Variants in TMEM132D observed in about 807,000 individuals in gnomAD.
The protein encoded by TMEM132D is mature OL transmembrane protein.
Under a neutral mutation model 62.3 loss-of-function variants are expected in TMEM132D, and 21 were observed. That is an observed-to-expected ratio of 0.34 (90% CI 0.24 to 0.49). The LOEUF (loss-of-function observed/expected upper bound fraction) is 0.49. TMEM132D is among the 20% of genes least tolerant of loss of function. The pLI, the probability that TMEM132D is intolerant of heterozygous loss-of-function variation, is 0.99. For missense variants in TMEM132D, 1,346 were observed against 1,402.8 expected (o/e 0.96, Z 0.65); for synonymous variants, 621 against 575.6 (o/e 1.08, Z -1.13).
At chr12:129,127,429 C>T (rs1023297127) in intron 5 of TMEM132D, among the ~76,000 whole-genome samples, 9 of 152,190 alleles carry the variant, frequency 5.9e-5, no homozygotes, top group Admixed American at 3.9e-4. Context: ...GCTTGGCAAC[C>T]GCCCCTCGCT....
chr12:129,281,848 C>A (rs1349157783), intron 4 of TMEM132D, among the ~76,000 whole-genome samples: 2 of 152,096 alleles, frequency 1.3e-5, no homozygotes, highest in African/African-American at 4.8e-5. Context: ...CCTCCTCAAA[C>A]TACCGCCAAA....
At chr12:129,312,313 A>G (rs1881995637) in intron 4 of TMEM132D, among the ~76,000 whole-genome samples, 2 of 152,204 alleles carry the variant, frequency 1.3e-5, no homozygotes, top group African/African-American at 4.8e-5. Context: ...TGCTGAGAGA[A>G]TGAAGCCTTA....
chr12:129,428,327 T>C (rs1193602825), intron 3 of TMEM132D, among the ~76,000 whole-genome samples: 1 of 152,240 alleles, frequency 6.6e-6, no homozygotes, highest in Non-Finnish European at 1.5e-5. Context: ...AAATCTGTTG[T>C]GTAAAACACC....
At chr12:129,618,480 C>T (rs1257401392) in intron 2 of TMEM132D, among the ~76,000 whole-genome samples, 3 of 152,154 alleles carry the variant, frequency 2.0e-5, no homozygotes, top group East Asian at 1.9e-4. Flanking sequence ...CATGGTTTGG[C>T]AAACCTTTTC....
intron 1 of TMEM132D, among the ~76,000 whole-genome samples, chr12:129,821,653 C>T (rs1445941077): frequency 3.3e-5 from 5 of 151,774 alleles, no homozygotes; most frequent in African/African-American, 9.7e-5. Context: ...CCAATCAAAA[C>T]GTGCAGCGGA....
At chr12:129,513,626 A>G (rs1213201065) in intron 3 of TMEM132D, among the ~76,000 whole-genome samples, 2 of 150,020 alleles carry the variant, frequency 1.3e-5, no homozygotes, top group Non-Finnish European at 3.0e-5. Context: ...CTGGGACTAC[A>G]GGCACCCACC....
intron 2 of TMEM132D, among the ~76,000 whole-genome samples, chr12:129,695,455 C>T (rs1881182683): frequency 6.6e-6 from 1 of 152,220 alleles, no homozygotes; most frequent in Non-Finnish European, 1.5e-5. Flanking sequence ...GCCTCTCACT[C>T]TTCTATTTCA....
intron 3 of TMEM132D, among the ~76,000 whole-genome samples, chr12:129,390,575 G>A (rs1037790054): frequency 3.9e-5 from 6 of 152,186 alleles, no homozygotes; most frequent in African/African-American, 1.4e-4. Context: ...TTGTGTTCCT[G>A]AGAAGTTCAG....
intron 2 of TMEM132D, among the ~76,000 whole-genome samples, chr12:129,623,600 C>A (rs1879128030): frequency 6.6e-6 from 1 of 151,384 alleles, no homozygotes; most frequent in Non-Finnish European, 1.5e-5. Flanking sequence ...GACATTATTT[C>A]ATTACTTTTT....
At chr12:129,089,336 C>T (rs1206485730) in intron 5 of TMEM132D, among the ~76,000 whole-genome samples, 3 of 55,730 alleles carry the variant, frequency 5.4e-5, no homozygotes, top group Admixed American at 3.8e-4. Context: ...CCTCCCTGAC[C>T]GGGATGTCCT....
chr12:129,578,079 T>C (rs1877727714), intron 2 of TMEM132D, among the ~76,000 whole-genome samples: 1 of 152,182 alleles, frequency 6.6e-6, no homozygotes, highest in African/African-American at 2.4e-5. Flanking sequence ...ACATCTGTTT[T>C]CTCCTGTCTT....
chr12:129,209,821 G>T (rs1442587059), intron 4 of TMEM132D, 158 bp from the exon 5 acceptor site: 6 of 954,820 alleles, frequency 6.3e-6, no homozygotes, highest in Non-Finnish European at 9.2e-6. Flanking sequence ...GCTGACCGTG[G>T]CAGCCATGAG....
chr12:129,463,264 T>A (rs2137040696), intron 3 of TMEM132D, among the ~76,000 whole-genome samples: 1 of 152,204 alleles, frequency 6.6e-6, no homozygotes, highest in African/African-American at 2.4e-5. Context: ...TTATTTTATT[T>A]ATTTTTTTTG....
At chr12:129,410,706 T>C (rs920585202) in intron 3 of TMEM132D, among the ~76,000 whole-genome samples, 1 of 152,078 alleles carries the variant, frequency 6.6e-6, no homozygotes, top group Non-Finnish European at 1.5e-5. Context: ...AGAAAAAAAA[T>C]TTGATGTTAA....
intron 5 of TMEM132D, among the ~76,000 whole-genome samples, chr12:129,098,128 G>A (rs921615659): frequency 1.3e-5 from 2 of 152,198 alleles, no homozygotes; most frequent in Admixed American, 6.5e-5. Flanking sequence ...GAGGACTGAC[G>A]TGACTCAAGT....
At chr12:129,347,735 C>G (rs567858778) in intron 3 of TMEM132D, among the ~76,000 whole-genome samples, 1 of 152,256 alleles carries the variant, frequency 6.6e-6, no homozygotes, top group African/African-American at 2.4e-5. Flanking sequence ...TAAAGAGCTT[C>G]TACACAACAA....
intron 4 of TMEM132D, among the ~76,000 whole-genome samples, chr12:129,280,746 T>C (rs539032473): frequency 6.6e-6 from 1 of 152,272 alleles, no homozygotes; most frequent in African/African-American, 2.4e-5. Flanking sequence ...TATCTTAGCT[T>C]ATCTATCTAA....
intron 1 of TMEM132D, among the ~76,000 whole-genome samples, chr12:129,862,858 T>G (rs1278413684): frequency 6.7e-6 from 1 of 149,172 alleles, no homozygotes; most frequent in East Asian, 2.0e-4. Context: ...AGCATCAAGA[T>G]GAGCTTAGTT....
At chr12:129,366,124 A>C (rs1870405841) in intron 3 of TMEM132D, among the ~76,000 whole-genome samples, 1 of 152,210 alleles carries the variant, frequency 6.6e-6, no homozygotes, top group African/African-American at 2.4e-5. Context: ...AATAAAAAAA[A>C]CACTCACCCG....
Sources: gnomAD v4.1 joint callset for allele counts (sites outside exome capture counted in the v4.1 genomes callset) on GRCh38, gnomAD v4.1.1 for gene constraint, MANE v1.5 for transcripts, NCBI Gene and HGNC (gene_info 2026-07-23, HGNC 2026-07-21) for gene names.